The following SNTB1 variants were observed in gnomAD, a reference collection of about 807,000 sequenced individuals.
SNTB1 encodes syntrophin beta 1, also known as beta-1-syntrophin.
Under a neutral mutation model 48.9 loss-of-function variants are expected in SNTB1, and 36 were observed. That is an observed-to-expected ratio of 0.74 (90% confidence interval 0.56 to 0.97). The LOEUF is 0.97. Among genes scored for constraint, SNTB1 ranks in the 50% least tolerant of loss-of-function variants. The pLI is 0.00. For missense variants in SNTB1, 786 were observed against 703.4 expected (o/e 1.12, Z -1.33); for synonymous variants, 299 against 294.6 (o/e 1.01, Z -0.15).
intron 1 of SNTB1, among the ~76,000 whole-genome samples, chr8:120,777,915 T>G (rs191991894): frequency 6.6e-6 from 1 of 152,288 alleles, no homozygotes; most frequent in African/African-American, 2.4e-5. Context: ...CAATTCCAAT[T>G]AACAGTGGCA....
chr8:120,768,387 TG>T (rs1819563155), intron 1 of SNTB1, among the ~76,000 whole-genome samples: 1 of 152,226 alleles, frequency 6.6e-6, no homozygotes, highest in Non-Finnish European at 1.5e-5. Context: ...AGGTATTAAC[TG>T]AGTATTATTT....
At chr8:120,702,308 C>T (rs187244965) in intron 1 of SNTB1, among the ~76,000 whole-genome samples, 2 of 152,316 alleles carry the variant, frequency 1.3e-5, no homozygotes, top group Admixed American at 1.3e-4. Context: ...CCCTTTCACA[C>T]AGAGCCACTC....
intron 4 of SNTB1, among the ~76,000 whole-genome samples, chr8:120,571,529 A>G (rs1587001217): frequency 9.4e-6 from 1 of 106,446 alleles, no homozygotes; most frequent in African/African-American, 3.7e-5. Context: ...ACAGAGTCCC[A>G]CTCTGTCACC....
chr8:120,761,522 G>C (rs1205265400), intron 1 of SNTB1: 2 of 152,296 alleles, frequency 1.3e-5, no homozygotes, highest in East Asian at 3.9e-4. Context: ...ATAATGGGTG[G>C]TCTGTAGACA....
chr8:120,811,154 A>G, intron 1 of SNTB1, 119 bp downstream of exon 1: 3 of 1,296,580 alleles, frequency 2.3e-6, no homozygotes, highest in East Asian at 2.7e-5. Context: ...ACACACACAC[A>G]CCCGGCCCCC....
intron 4 of SNTB1, among the ~76,000 whole-genome samples, chr8:120,566,329 CAAAAAAAAAAAA>C (rs71306894): frequency 4.7e-4 from 37 of 78,292 alleles, no homozygotes; most frequent in South Asian, 8.8e-4. Context: ...GACTCTGTCT[CAAAAAAAAAAAA>C]AAAAAAAAAA....
intron 2 of SNTB1, among the ~76,000 whole-genome samples, chr8:120,636,701 A>G (rs1213455707): frequency 1.3e-5 from 2 of 151,584 alleles, no homozygotes; most frequent in South Asian, 2.1e-4. Context: ...CACAATAAAC[A>G]TACGTGTGCA....
At chr8:120,690,556 T>G (rs1213750295) in intron 2 of SNTB1, among the ~76,000 whole-genome samples, 2 of 152,212 alleles carry the variant, frequency 1.3e-5, no homozygotes, top group Non-Finnish European at 2.9e-5. Context: ...TATGGACATT[T>G]TACCTTGGAC....
intron 3 of SNTB1, among the ~76,000 whole-genome samples, chr8:120,598,069 G>A (rs576576360): frequency 6.6e-6 from 1 of 152,232 alleles, no homozygotes; most frequent in Admixed American, 6.5e-5. Flanking sequence ...CGCTTATTCT[G>A]CTCACTGGGA....
chr8:120,809,975 C>G (rs796459359), intron 1 of SNTB1, among the ~76,000 whole-genome samples: 35 of 152,312 alleles, frequency 2.3e-4, no homozygotes, highest in African/African-American at 8.4e-4. Flanking sequence ...TAAACTTTCT[C>G]AGTTTCACAC....
intron 5 of SNTB1, among the ~76,000 whole-genome samples, chr8:120,542,344 G>GA (rs1242280279): frequency 1.3e-5 from 2 of 152,264 alleles, no homozygotes; most frequent in South Asian, 2.1e-4. Flanking sequence ...TCTCAAGCCA[G>GA]AAAAAACAGA....
chr8:120,692,034 C>T (rs759529319), intron 2 of SNTB1, among the ~76,000 whole-genome samples: 12 of 152,192 alleles, frequency 7.9e-5, no homozygotes, highest in African/African-American at 4.8e-5. Context: ...AGTGGACCAG[C>T]TATGAGCTCT....
intron 3 of SNTB1, among the ~76,000 whole-genome samples, chr8:120,603,361 A>G (rs2130721701): frequency 6.6e-6 from 1 of 152,342 alleles, no homozygotes; most frequent in African/African-American, 2.4e-5. Flanking sequence ...TGGCCTCTGC[A>G]AAGTGCTGGG....
chr8:120,557,035 G>T (rs2130662421), intron 4 of SNTB1, among the ~76,000 whole-genome samples: 1 of 152,270 alleles, frequency 6.6e-6, no homozygotes, highest in Middle Eastern at 3.4e-3. Flanking sequence ...TACTGCAAAG[G>T]AGAGGAAGTT....
chr8:120,721,983 G>T (rs986760602), intron 1 of SNTB1, among the ~76,000 whole-genome samples: 6 of 148,626 alleles, frequency 4.0e-5, no homozygotes, highest in African/African-American at 7.5e-5. Flanking sequence ...GTGAGAACAT[G>T]CAGTGTTTGG....
intron 1 of SNTB1, among the ~76,000 whole-genome samples, chr8:120,709,188 A>G (rs1818423557): frequency 6.6e-6 from 1 of 152,156 alleles, no homozygotes; most frequent in Non-Finnish European, 1.5e-5. Context: ...AATTTCCATC[A>G]TGGCTGGGGT....
At chr8:120,763,685 G>A (rs1306644598) in intron 1 of SNTB1, among the ~76,000 whole-genome samples, 1 of 151,992 alleles carries the variant, frequency 6.6e-6, no homozygotes, top group African/African-American at 2.4e-5. Context: ...AAACTATAAA[G>A]ACAACCTATA....
chr8:120,686,328 AT>A (rs904078684), intron 2 of SNTB1, among the ~76,000 whole-genome samples: 1 of 152,166 alleles, frequency 6.6e-6, no homozygotes, highest in Admixed American at 6.5e-5. Context: ...AACAATATAA[AT>A]TTTTTTCTCA....
At chr8:120,625,801 A>G (rs374347174) in intron 3 of SNTB1, among the ~76,000 whole-genome samples, 19 of 152,208 alleles carry the variant, frequency 1.2e-4, no homozygotes, top group African/African-American at 3.1e-4. Context: ...TGATTTAGGG[A>G]TGATGCAAGC....
Sources: allele counts gnomAD v4.1 joint callset (sites outside exome capture counted in the v4.1 genomes callset), GRCh38; gene constraint gnomAD v4.1.1; transcripts MANE v1.5; gene names NCBI Gene and HGNC (gene_info 2026-07-23, HGNC 2026-07-21).